Variants in NFATC1 observed in about 807,000 individuals in gnomAD.
NFATC1 encodes the protein nuclear factor of activated T-cells, cytoplasmic 1.
A neutral mutation model predicts 76.0 loss-of-function variants in NFATC1; 22 were observed. That is an observed-to-expected ratio of 0.29 (90% CI 0.21 to 0.41). NFATC1 has a LOEUF of 0.41. Ranked by LOEUF, NFATC1 falls within the 10% of genes least tolerant of loss-of-function variation. NFATC1 has a pLI of 1.00. For synonymous variants in NFATC1, 704 were observed against 613.1 expected (o/e 1.15, Z -2.19); for missense variants, 1,357 against 1,337.7 (o/e 1.01, Z -0.23).
rs184882121 is a variant in NFATC1, at chr18:79,488,519, G to A, written c.2782+1582G>A. Reference sequence around the variant, plus strand: ...TCATGATGACTGTGGGGCGGGGCCAGGACAGTGTTCCGTGTCCTGTGCAGA... The same window carrying A: ...TCATGATGACTGTGGGGCGGGGCCAAGACAGTGTTCCGTGTCCTGTGCAGA... On this transcript the variant is annotated intron_variant, in intron 9 of 9. Transcript: ENST00000427363. 2.0e-4 allele frequency among the ~76,000 whole-genome samples: 31 copies of A among 152,254 alleles called. No individual in the cohort carries two copies. The East Asian group carries it at 4.8e-3, about 24-fold the overall frequency.
At position 79,476,397 on chromosome 18, in the gene NFATC1, C is replaced by T. The variant is rs1433798067; in HGVS notation, c.2092+8815C>T. Among the ~76,000 whole-genome samples the T allele has an allele frequency of 3.3e-5, 5 of 152,264 alleles. No individual in the cohort carries two copies. In the South Asian group the frequency reaches 8.3e-4, roughly 25 times the overall value. On this transcript the variant is annotated intron_variant, in intron 8 of 9. Transcript: ENST00000427363. ...CGGGCGAGGATTGGCGAAAGCCGAC[C>T]GATGTGTTTTGGCTTGTGTGGTCTG...
chr18:79,511,624 T>G (rs965686307), intron 9 of NFATC1, among the ~76,000 whole-genome samples: 3 of 152,122 alleles, frequency 2.0e-5, no homozygotes, highest in African/African-American at 7.2e-5. Context: ...AGAGGGGCTG[T>G]GCCTCCCGCC....
At chr18:79,458,220 G>A (rs2087842129) in intron 6 of NFATC1, among the ~76,000 whole-genome samples, 1 of 152,238 alleles carries the variant, frequency 6.6e-6, no homozygotes, top group Non-Finnish European at 1.5e-5. Flanking sequence ...AGACTCCTGG[G>A]GGAGAGCCGG....
chr18:79,477,705 G>A (rs546614791), intron 8 of NFATC1, among the ~76,000 whole-genome samples: 10 of 152,326 alleles, frequency 6.6e-5, no homozygotes, highest in South Asian at 4.1e-4. Context: ...GAGCACCACC[G>A]GCTGGGCACC....
intron 9 of NFATC1, among the ~76,000 whole-genome samples, chr18:79,495,011 A>G (rs1444794468): frequency 6.6e-6 from 1 of 152,112 alleles, no homozygotes; most frequent in Non-Finnish European, 1.5e-5. Flanking sequence ...CCGGGTGAGC[A>G]TGGAGCCCAT....
chr18:79,498,215 G>A (rs1312695489), intron 9 of NFATC1: 1 of 152,158 alleles, frequency 6.6e-6, no homozygotes, highest in Admixed American at 6.5e-5. Flanking sequence ...GAGGGCTCAG[G>A]TATTAGACCA....
intron 9 of NFATC1, among the ~76,000 whole-genome samples, chr18:79,488,181 G>A (rs1371554790): frequency 6.6e-6 from 1 of 152,160 alleles, no homozygotes; most frequent in Non-Finnish European, 1.5e-5. Flanking sequence ...AAGGCTACAA[G>A]CTTTTTAAGG....
chr18:79,518,973 G>A (rs1033112350), intron 9 of NFATC1, among the ~76,000 whole-genome samples: 2 of 152,226 alleles, frequency 1.3e-5, no homozygotes, highest in Non-Finnish European at 2.9e-5. Flanking sequence ...CGGGGTCTCA[G>A]TCAAACCTCT....
intron 3 of NFATC1, among the ~76,000 whole-genome samples, chr18:79,436,513 G>C (rs1050063272): frequency 6.6e-6 from 1 of 150,722 alleles, no homozygotes; most frequent in African/African-American, 2.4e-5. Flanking sequence ...CCCCGCGCCC[G>C]GTATCCCCGT....
intron 3 of NFATC1, among the ~76,000 whole-genome samples, chr18:79,439,186 C>T (rs1410900672): frequency 1.3e-5 from 2 of 152,182 alleles, no homozygotes; most frequent in Middle Eastern, 3.2e-3. Context: ...GTTTGCCACA[C>T]ACAGGAGCTC....
intron 9 of NFATC1, among the ~76,000 whole-genome samples, chr18:79,504,743 G>C (rs927422767): frequency 6.6e-6 from 1 of 152,254 alleles, no homozygotes; most frequent in Non-Finnish European, 1.5e-5. Context: ...ATCCACAAAA[G>C]GCGCAGCTCT....
intron 2 of NFATC1, among the ~76,000 whole-genome samples, chr18:79,416,790 G>T (rs112655648): frequency 0.014 from 2,205 of 152,326 alleles, 48 homozygotes; most frequent in African/African-American, 0.045. Context: ...ACGTCGCCCT[G>T]GCTCTGGTTC....
chr18:79,400,747 G>A (rs2085180259), intron 1 of NFATC1, among the ~76,000 whole-genome samples: 1 of 112,922 alleles, frequency 8.9e-6, no homozygotes, highest in South Asian at 3.4e-4. Context: ...GGCTGGTGGC[G>A]CTGCCAGAGG....
chr18:79,490,931 CT>C (rs2089660965), intron 9 of NFATC1, among the ~76,000 whole-genome samples: 1 of 152,106 alleles, frequency 6.6e-6, no homozygotes, highest in Non-Finnish European at 1.5e-5. Flanking sequence ...CTCACGCAGG[CT>C]GAAGACCTGA....
intron 9 of NFATC1, 59 bp from the exon 10 acceptor site, chr18:79,527,469 C>A: frequency 7.2e-7 from 1 of 1,384,652 alleles, no homozygotes; most frequent in Non-Finnish European, 1.0e-6. Context: ...GGGCTGGGGG[C>A]GTTGCTTTGA....
chr18:79,465,834 G>A lies in NFATC1; in HGVS notation c.1960-1616G>A, dbSNP rs903554381. Among the ~76,000 whole-genome samples the A allele has an allele frequency of 2.0e-5, 3 of 152,338 alleles. No individual in the cohort carries two copies. The highest frequency in any genetic ancestry group is 4.8e-5 in the African/African-American group (2 of 41,586). ...AGGCTCCGGGTGGCCAGAGCTTCCC[G>A]GGTCAGCCCAGGAGATGGCCCAGAC... is the stretch of plus-strand genomic sequence containing the variant. On this transcript the variant is annotated intron_variant, in intron 7 of 9. Transcript: ENST00000427363. The surrounding 1 kb of genome is among the most constrained non-coding windows in gnomAD (Gnocchi z 4.2).
chr18:79,473,766 T>C (rs1166807567), intron 8 of NFATC1, among the ~76,000 whole-genome samples: 1 of 142,890 alleles, frequency 7.0e-6, no homozygotes, highest in Non-Finnish European at 1.5e-5. Flanking sequence ...AAGTGTATTC[T>C]CACGCTGTCG....
chr18:79,442,591 C>T (rs117368211), intron 3 of NFATC1, among the ~76,000 whole-genome samples: 3,955 of 152,334 alleles, frequency 0.026, 105 homozygotes, highest in Non-Finnish European at 0.033. Flanking sequence ...GGCAGCTCAG[C>T]GCTGCTTCTC....
chr18:79,423,115 G>A (rs1259447519), intron 2 of NFATC1, among the ~76,000 whole-genome samples: 2 of 151,806 alleles, frequency 1.3e-5, no homozygotes, highest in Non-Finnish European at 2.9e-5. Context: ...GGCGCGTACA[G>A]AGGGGATGAC....
Sources: gnomAD v4.1 joint callset for allele counts (sites outside exome capture counted in the v4.1 genomes callset) on GRCh38, gnomAD v4.1.1 for gene constraint, Gnocchi (gnomAD v3.1) non-coding constraint, MANE v1.5 for transcripts, NCBI Gene and HGNC (gene_info 2026-07-23, HGNC 2026-07-21) for gene names.